PTGS2: variants seen among roughly 807,000 people sequenced by gnomAD.
PTGS2 encodes the protein prostaglandin G/H synthase 2.
PTGS2 carries 14 observed loss-of-function variants against 63.8 expected under a neutral mutation model. That is an observed-to-expected ratio of 0.22 (90% CI 0.14 to 0.34). The LOEUF (loss-of-function observed/expected upper bound fraction) is 0.34. PTGS2 is among the 10% of genes least tolerant of loss of function. PTGS2 has a pLI of 1.00. For synonymous variants in PTGS2, 271 were observed against 259.5 expected (o/e 1.04, Z -0.43); for missense variants, 533 against 738.5 (o/e 0.72, Z 3.23).
At chr1:186,675,178 A>G in intron 9 of PTGS2, 71 bp downstream of exon 9, 1 of 1,587,292 alleles carries the variant, frequency 6.3e-7, no homozygotes, top group Non-Finnish European at 8.6e-7. Context: ...CTCCATCTCG[A>G]AAAGAAAACC....
intron 8 of PTGS2, 72 bp from the exon 9 acceptor site, chr1:186,675,468 G>C: frequency 1.3e-6 from 2 of 1,531,678 alleles, no homozygotes; most frequent in Middle Eastern, 3.5e-4. Context: ...GCTTGCCTTA[G>C]GTACAAATCA....
chr1:186,679,449 AG>A lies in PTGS2; in HGVS notation c.53-12del. 6.3e-7 allele frequency: 1 copy of A among 1,576,656 alleles called. No homozygotes were observed. The highest frequency in any genetic ancestry group is 8.7e-7 in the Non-Finnish European group (1 of 1,146,328). ...AACAGCAAGGATTTGCTGCAATTAA[AG>A]GACAGCAAATAAATCATTCTCTAGT... On this transcript the variant is annotated splice_polypyrimidine_tract_variant and intron_variant, in intron 1 of 9. Coordinates refer to ENST00000367468, the MANE Select transcript of PTGS2 (RefSeq NM_000963.4).
At chr1:186,676,225 T>A (rs1665777738) in intron 7 of PTGS2, 41 bp from the exon 8 acceptor site, 1 of 1,523,532 alleles carries the variant, frequency 6.6e-7, no homozygotes, top group Non-Finnish European at 8.8e-7. Flanking sequence ...TTATTGCATC[T>A]GATCACAAGC....
At chr1:186,678,969 G>T in intron 3 of PTGS2, 89 bp downstream of exon 3, 1 of 1,437,102 alleles carries the variant, frequency 7.0e-7, no homozygotes, top group Non-Finnish European at 9.3e-7. Context: ...GATAAGCTTG[G>T]AAATATGTTT....
chr1:186,679,290 C>T, intron 2 of PTGS2, 32 bp downstream of exon 2: 1 of 1,613,080 alleles, frequency 6.2e-7, no homozygotes, highest in Non-Finnish European at 8.5e-7. Context: ...TCCAGCCCCA[C>T]TCCTAATGAG....
rs199817349 is a variant in PTGS2, at chr1:186,674,091, C to T, written c.*262G>A. On this transcript the variant is annotated 3_prime_UTR_variant, in exon 10 of 10. Transcript: ENST00000367468. ...CGTTCTTATAATATAAGTTGAAATT[C>T]AAGTAAAAAGACGTCAAAACTCATT... is the stretch of plus-strand genomic sequence containing the variant. The T allele has an allele frequency of 1.1e-5, 2 of 187,702 alleles. No homozygotes were observed. The highest frequency in any genetic ancestry group is 2.2e-5 in the Non-Finnish European group (2 of 92,656). 11.6% of individuals were successfully genotyped at this position (187,702 alleles called of 1,614,324 possible). A position where few individuals can be genotyped will look rare whatever the true frequency, so the allele number is the denominator to read the frequency against.
At position 186,679,363 on chromosome 1, in the gene PTGS2, T is replaced by A; in HGVS notation, c.128A>T (p.Asp43Val). 6.2e-7 allele frequency: 1 copy of A among 1,614,146 alleles called. No homozygotes were observed. The highest frequency in any genetic ancestry group is 8.5e-7 in the Non-Finnish European group (1 of 1,180,016). The change falls in exon 2 of 10, where the codon GAT (aspartate) becomes GTT (valine). Residue 43 changes from aspartate to valine, a missense_variant. This residue lies in a region of PTGS2 where 118 missense variants were observed against 144.6 expected (regional missense o/e 0.82). Transcript: ENST00000367468. ...MSVGFDQYKC[D>V]CTRTGFYGEN... ...TCCATAGAATCCTGTCCGGGTACAA[T>A]CGCACTTATACTGGTCAAATCCCAC...
rs1341396580 is a variant in PTGS2, at chr1:186,676,600, A to T, written c.837T>A (p.Gly279=). ...CATACATCATCAGACCAGGCACCAG[A>T]CCAAAGACCTCCTGCCCCACAGCAA... The part of the protein sequence containing the change: ...LRFAVGQEVF[G]LVPGLMMYAT... The change falls in exon 7 of 10, where the codon GGT becomes GGA. Residue 279 remains glycine, a synonymous_variant. Transcript: ENST00000367468. The T allele has an allele frequency of 6.2e-7, 1 of 1,614,172 alleles. No individual in the cohort carries two copies. The highest frequency in any genetic ancestry group is 8.5e-7 in the Non-Finnish European group (1 of 1,180,034).
chr1:186,672,934 G>A lies in PTGS2; in HGVS notation c.*1419C>T, dbSNP rs1368120165. 6.6e-6 allele frequency: 1 copy of A among 151,900 alleles called. No individual in the cohort carries two copies. Among genetic ancestry groups the A allele is most frequent in the Non-Finnish European group, 1.5e-5 (1 of 67,972 alleles). The allele number at this position is 151,900 out of a possible 1,614,324, so 9.4% of individuals were successfully genotyped here. A position where few individuals can be genotyped will look rare whatever the true frequency, so the allele number is the denominator to read the frequency against. On this transcript the variant is annotated 3_prime_UTR_variant, in exon 10 of 10. Transcript: ENST00000367468. Reference sequence around the variant, plus strand: ...TAATCTTCTTAAGAGGAGCTAAATAGCAGTCCTGAGCTGAGGTTTACCTGA... The same window carrying A: ...TAATCTTCTTAAGAGGAGCTAAATAACAGTCCTGAGCTGAGGTTTACCTGA...
intron 5 of PTGS2, among the ~76,000 whole-genome samples, chr1:186,677,210 T>A (rs1238070875): frequency 6.6e-6 from 1 of 152,138 alleles, no homozygotes; most frequent in Non-Finnish European, 1.5e-5. Flanking sequence ...TATAAAAATG[T>A]ATTATTTATA....
At position 186,673,180 on chromosome 1, in the gene PTGS2, T is replaced by C. The variant is rs1181562118; in HGVS notation, c.*1173A>G. ...GGCTTCAAGACTGAGATAAAATTAA[T>C]GTGTGAAATGAATTTAAGCATTTTG... is the stretch of plus-strand genomic sequence containing the variant. On this transcript the variant is annotated 3_prime_UTR_variant, in exon 10 of 10. Transcript: ENST00000367468. The C allele has an allele frequency of 1.3e-5, 2 of 152,148 alleles. No homozygotes were observed. Among genetic ancestry groups the C allele is most frequent in the African/African-American group, 4.8e-5 (2 of 41,446 alleles). The allele number at this position is 152,148 out of a possible 1,614,324, so 9.4% of individuals were successfully genotyped here.
rs761518146 is a variant in PTGS2 at position 186,676,727 on chromosome 1, T to C, written c.724-14A>G. On this transcript the variant is annotated splice_polypyrimidine_tract_variant and intron_variant, in intron 6 of 9. Transcript: ENST00000367468. ...TCCATCAATTATCTAAAAAAATAAA[T>C]AAATAAATAAACATCAGTTAAAAAG... is the stretch of plus-strand genomic sequence containing the variant. 1 of 1,600,980 alleles carries C rather than the reference T, an allele frequency of 6.2e-7. No individual in the cohort carries two copies. Among genetic ancestry groups the C allele is most frequent in the African/African-American group, 1.3e-5 (1 of 74,230 alleles).
Position 186,679,102 on chromosome 1 carries a change from T to A in PTGS2, c.269A>T (p.Asn90Ile). Residue 90 changes from asparagine to isoleucine, a missense_variant, in exon 3 of 10, where the codon AAC becomes ATC. This residue lies in a region of PTGS2 where 118 missense variants were observed against 144.6 expected (regional missense o/e 0.82). Coordinates refer to ENST00000367468, the MANE Select transcript of PTGS2 (RefSeq NM_000963.4). Reference sequence around the variant, plus strand: ...AATTGCATTTCGAAGGAAGGGAATGTTATTCACAACGTTCCAAAATCCCTT... The same window carrying A: ...AATTGCATTTCGAAGGAAGGGAATGATATTCACAACGTTCCAAAATCCCTT... ...HFKGFWNVVN[N>I]IPFLRNAIMS... The A allele has an allele frequency of 6.2e-7, 1 of 1,614,188 alleles. No homozygotes were observed.
chr1:186,676,654 G>A lies in PTGS2; in HGVS notation c.783C>T (p.Tyr261=), dbSNP rs201377871. Residue 261 remains tyrosine (Y), a synonymous_variant, in exon 7 of 10, where the codon TAC becomes TAT. Transcript: ENST00000367468. ...GTAGATGCTCAGGGACTTGAGGAGGGTAGATCATCTCTGCCTGAGTATCTT... is the reference window on the plus strand; with the variant it reads ...GTAGATGCTCAGGGACTTGAGGAGGATAGATCATCTCTGCCTGAGTATCTT... ...TVKDTQAEMI[Y]PPQVPEHLRF... 12 of 1,614,054 alleles carry A rather than the reference G, an allele frequency of 7.4e-6. No individual in the cohort carries two copies. Among genetic ancestry groups the A allele is most frequent in the Non-Finnish European group, 8.5e-6 (10 of 1,180,008 alleles).
rs4648271 is a variant in PTGS2, at chr1:186,677,561, C to T, written c.639+88G>A. The T allele has an allele frequency of 1.9e-3, 2,436 of 1,252,066 alleles. 81 individuals carry two copies. In the Admixed American group the frequency reaches 0.06, roughly 31 times the overall value. The allele number at this position is 1,252,066 out of a possible 1,614,324, so 77.6% of individuals were successfully genotyped here. A position where few individuals can be genotyped will look rare whatever the true frequency, so the allele number is the denominator to read the frequency against. The stretch of plus-strand genomic sequence containing the variant: ...AAAAAAGTGGATAAGTTATTTGGAT[C>T]TATCTATCTGTATATCTCCTTTAAT... On this transcript the variant is annotated intron_variant, in intron 5 of 9. Coordinates refer to ENST00000367468, the MANE Select transcript of PTGS2 (RefSeq NM_000963.4).
chr1:186,673,651 C>T lies in PTGS2; in HGVS notation c.*702G>A, dbSNP rs1256920855. 6.6e-6 allele frequency: 1 copy of T among 152,282 alleles called. No individual in the cohort carries two copies. Among genetic ancestry groups the T allele is most frequent in the African/African-American group, 2.4e-5 (1 of 41,568 alleles). The allele number at this position is 152,282 out of a possible 1,614,324, so 9.4% of individuals were successfully genotyped here. A position where few individuals can be genotyped will look rare whatever the true frequency, so the allele number is the denominator to read the frequency against. ...TACTCTTGGTGAAAAAGGAACATCA[C>T]TTATAAAATATTTTAACAAGCAATT... is the stretch of plus-strand genomic sequence containing the variant. On this transcript the variant is annotated 3_prime_UTR_variant, in exon 10 of 10. Transcript: ENST00000367468.
chr1:186,679,455 G>A lies in PTGS2; in HGVS notation c.53-17C>T, dbSNP rs763725813. 23 of 1,550,548 alleles carry A rather than the reference G, an allele frequency of 1.5e-5. No homozygotes were observed. The South Asian group carries it at 2.1e-4, about 14-fold the overall frequency. ...AAGGATTTGCTGCAATTAAAGGACA[G>A]CAAATAAATCATTCTCTAGTGTCTT... On this transcript the variant is annotated splice_polypyrimidine_tract_variant and intron_variant, in intron 1 of 9. Coordinates refer to ENST00000367468, the MANE Select transcript of PTGS2 (RefSeq NM_000963.4).
chr1:186,676,339 T>G lies in PTGS2; in HGVS notation c.970+128A>C, dbSNP rs994110952. ...AGCTATTTTATCAGTCATGCTTACA[T>G]ATTTAATGTATATAGAATGTGTGAG... On this transcript the variant is annotated intron_variant, in intron 7 of 9. Transcript: ENST00000367468. The G allele has an allele frequency of 2.9e-6, 4 of 1,387,120 alleles. No individual in the cohort carries two copies. In the African/African-American group the frequency reaches 5.8e-5, roughly 20 times the overall value. 85.9% of individuals were successfully genotyped at this position (1,387,120 alleles called of 1,614,324 possible).
chr1:186,676,302 G>A (rs1665779517), intron 7 of PTGS2, 118 bp from the exon 8 acceptor site: 7 of 1,369,018 alleles, frequency 5.1e-6, no homozygotes, highest in East Asian at 2.4e-5. Context: ...TTCCTTGTCA[G>A]TATCAAAAGA....
Sources: allele counts gnomAD v4.1 joint callset (sites outside exome capture counted in the v4.1 genomes callset), GRCh38; gene constraint gnomAD v4.1.1; regional missense constraint gnomAD v4.1.1; transcripts MANE v1.5; gene names NCBI Gene and HGNC (gene_info 2026-07-23, HGNC 2026-07-21).